PUDP: variants seen among roughly 807,000 people sequenced by gnomAD.
The protein encoded by PUDP is pseudouridine-5'-phosphatase.
PUDP carries 8 observed loss-of-function variants against 9.4 expected under a neutral mutation model. The observed-to-expected ratio is 0.85, with a 90% CI of 0.50 to 1.53. The LOEUF is 1.53. Ranked by LOEUF, PUDP falls within the 40% of genes most tolerant of loss-of-function variation. PUDP has a pLI of 0.00. For synonymous variants in PUDP, 99 were observed against 80.7 expected, an observed-to-expected ratio of 1.23 and a Z score of -1.22; for missense variants, 188 against 189.7, an observed-to-expected ratio of 0.99 and a Z score of 0.05.
chrX:7,056,616 G>A (rs1214225785), intron 3 of PUDP, among the ~76,000 whole-genome samples: 3 of 111,315 alleles, frequency 2.7e-5, no homozygotes, highest in East Asian at 2.8e-4. Context: ...CCTACATATC[G>A]GCTGTAACTA....
chrX:6,884,865 G>A (rs1927400097), intron 3 of PUDP, among the ~76,000 whole-genome samples: 1 of 112,309 alleles, frequency 8.9e-6, no homozygotes, highest in African/African-American at 3.2e-5. Flanking sequence ...CATCTGTGCT[G>A]GGACGTGACT....
At chrX:6,921,671 G>T (rs1229487928) in intron 3 of PUDP, among the ~76,000 whole-genome samples, 1 of 109,634 alleles carries the variant, frequency 9.1e-6, no homozygotes, top group Non-Finnish European at 1.9e-5. Context: ...CATAAAGTCA[G>T]TTTCAAATAT....
intron 3 of PUDP, among the ~76,000 whole-genome samples, chrX:6,928,825 G>C (rs944551998): frequency 2.7e-5 from 3 of 111,259 alleles, no homozygotes; most frequent in Admixed American, 9.6e-5. Context: ...TTGAGCCGGG[G>C]AGGCGGAGGT....
At chrX:6,870,767 C>A (rs1480071072) in intron 3 of PUDP, among the ~76,000 whole-genome samples, 1 of 112,330 alleles carries the variant, frequency 8.9e-6, no homozygotes, top group African/African-American at 3.2e-5. Flanking sequence ...CAGTCTTCTG[C>A]CAATATTCAA....
intron 3 of PUDP, among the ~76,000 whole-genome samples, chrX:6,797,251 C>A (rs1410432214): frequency 9.0e-6 from 1 of 111,053 alleles, no homozygotes; most frequent in African/African-American, 3.3e-5. Context: ...TTGTCTCTAG[C>A]ACAAGAACTG....
intron 1 of PUDP, among the ~76,000 whole-genome samples, chrX:6,990,971 G>A (rs1048192398): frequency 2.7e-5 from 3 of 112,470 alleles, no homozygotes; most frequent in Admixed American, 9.4e-5. Flanking sequence ...TCTCTGCACG[G>A]GCACAAGAGT....
chrX:6,963,110 G>A (rs1487519180), intron 3 of PUDP, among the ~76,000 whole-genome samples: 1 of 112,419 alleles, frequency 8.9e-6, no homozygotes, highest in African/African-American at 3.2e-5. Context: ...CAGTCATTCA[G>A]GTATCCAACT....
intron 2 of PUDP, among the ~76,000 whole-genome samples, chrX:6,705,930 A>G (rs1924464693): frequency 8.9e-6 from 1 of 112,693 alleles, no homozygotes; most frequent in Non-Finnish European, 1.9e-5. Flanking sequence ...CTTAAATAAT[A>G]AACAAAATGT....
At chrX:6,957,401 AT>A (rs1324826665) in intron 3 of PUDP, among the ~76,000 whole-genome samples, 1 of 104,061 alleles carries the variant, frequency 9.6e-6, no homozygotes, top group African/African-American at 3.4e-5. Flanking sequence ...AAAAAAAAAA[AT>A]AGTTCAGCTC....
intron 3 of PUDP, among the ~76,000 whole-genome samples, chrX:6,869,697 CAA>C (rs1927143738): frequency 9.1e-6 from 1 of 109,912 alleles, no homozygotes; most frequent in African/African-American, 3.3e-5. Flanking sequence ...ATCAAAACCA[CAA>C]AGAGATATAC....
intron 3 of PUDP, among the ~76,000 whole-genome samples, chrX:6,763,380 C>G (rs1182503681): frequency 9.0e-6 from 1 of 111,315 alleles, no homozygotes; most frequent in African/African-American, 3.3e-5. Flanking sequence ...TGGAGTGAGA[C>G]TGTCAAAAAA....
rs1255641335 is a variant in PUDP at position 7,121,674 on chromosome X, T to A, written c.62-15836A>T. Among the ~76,000 whole-genome samples, 3 of 110,965 alleles carry A rather than the reference T, an allele frequency of 2.7e-5. 1 individual carries two copies. Among genetic ancestry groups the A allele is most frequent in the Non-Finnish European group, 5.7e-5 (3 of 52,853 alleles). On this transcript the variant is annotated intron_variant, in intron 1 of 3. Transcript: ENST00000381077. ...GATCCACAGGTAGGTGGCCAAAGGG[T>A]ACAGGCATATAGGGAGGAGCCTGGG...
intron 1 of PUDP, among the ~76,000 whole-genome samples, chrX:6,716,411 C>T (rs1479616757): frequency 4.5e-5 from 5 of 111,711 alleles, no homozygotes; most frequent in African/African-American, 6.5e-5. Context: ...ACAGCTACAA[C>T]GAATGGCTTG....
chrX:6,828,716 C>G (rs1669692185), intron 3 of PUDP, among the ~76,000 whole-genome samples: 1 of 111,462 alleles, frequency 9.0e-6, no homozygotes, highest in Admixed American at 9.6e-5. Flanking sequence ...CATCCCTCCC[C>G]CTAACTACAG....
At chrX:6,921,150 G>A (rs1266635984) in intron 3 of PUDP, among the ~76,000 whole-genome samples, 1 of 110,784 alleles carries the variant, frequency 9.0e-6, no homozygotes, top group Non-Finnish European at 1.9e-5. Context: ...TTTGGGAGGC[G>A]AGGTGGGAGG....
intron 2 of PUDP, among the ~76,000 whole-genome samples, chrX:7,088,196 T>G (rs759647008): frequency 4.5e-5 from 5 of 112,285 alleles, no homozygotes; most frequent in Non-Finnish European, 9.4e-5. Flanking sequence ...AAAATTAATT[T>G]TGCATTTCTA....
chrX:6,965,177 A>G (rs181547086), intron 3 of PUDP, among the ~76,000 whole-genome samples: 2 of 112,075 alleles, frequency 1.8e-5, no homozygotes, highest in Non-Finnish European at 3.8e-5. Flanking sequence ...CTCTTCCATG[A>G]GAGCAGCGAT....
chrX:6,981,990 C>G (rs73455765), intron 1 of PUDP, among the ~76,000 whole-genome samples: 3,414 of 105,784 alleles, frequency 0.032, 152 homozygotes, highest in African/African-American at 0.11. Flanking sequence ...CACACACACA[C>G]ACACACCCCC....
intron 3 of PUDP, among the ~76,000 whole-genome samples, chrX:6,772,940 G>A (rs1482155699): frequency 8.9e-6 from 1 of 111,989 alleles, no homozygotes; most frequent in African/African-American, 3.2e-5. Flanking sequence ...GATTAGAAGG[G>A]CAATAGTTGA....
Sources: allele counts gnomAD v4.1 joint callset (sites outside exome capture counted in the v4.1 genomes callset), GRCh38; gene constraint gnomAD v4.1.1; transcripts MANE v1.5; gene names NCBI Gene and HGNC (gene_info 2026-07-23, HGNC 2026-07-21).